The following RIT2 variants were observed in gnomAD, a reference collection of about 807,000 sequenced individuals.
RIT2 encodes the protein Ras like without CAAX 2.
RIT2 carries 24 observed loss-of-function variants against 23.7 expected under a neutral mutation model. The ratio of observed to expected loss-of-function variants is 1.01; its 90% confidence interval spans 0.73 to 1.43. The LOEUF is 1.43. Ranked by LOEUF, RIT2 falls within the 40% of genes most tolerant of loss-of-function variation. RIT2 has a pLI of 0.00. For missense variants in RIT2, 236 were observed against 266.9 expected (o/e 0.88, Z 0.81); for synonymous variants, 107 against 91.1 (o/e 1.17, Z -0.99).
intron 4 of RIT2, among the ~76,000 whole-genome samples, chr18:42,801,285 C>G (rs1289669422): frequency 6.6e-6 from 1 of 152,194 alleles, no homozygotes; most frequent in Non-Finnish European, 1.5e-5. Context: ...TATAACATGG[C>G]TGGCTGCTTG....
chr18:42,961,283 A>G (rs1415928974), intron 3 of RIT2, among the ~76,000 whole-genome samples: 5 of 152,226 alleles, frequency 3.3e-5, no homozygotes, highest in African/African-American at 1.2e-4. Context: ...AGTTTAATAA[A>G]TATCTGCTTA....
intron 4 of RIT2, among the ~76,000 whole-genome samples, chr18:42,854,048 A>G (rs992364526): frequency 6.6e-6 from 1 of 152,146 alleles, no homozygotes; most frequent in African/African-American, 2.4e-5. Context: ...TGTATCATGA[A>G]ATTAGTAATT....
intron 1 of RIT2, among the ~76,000 whole-genome samples, chr18:43,089,292 G>A (rs1002731296): frequency 9.9e-5 from 15 of 151,986 alleles, no homozygotes; most frequent in African/African-American, 1.9e-4. Context: ...CAATGAAGCC[G>A]AGAGCCAAAT....
intron 3 of RIT2, among the ~76,000 whole-genome samples, chr18:42,948,378 T>A (rs893172670): frequency 1.3e-5 from 2 of 152,058 alleles, no homozygotes; most frequent in African/African-American, 4.8e-5. Flanking sequence ...TCAGTGACAC[T>A]CTGAGTTCTG....
intron 4 of RIT2, among the ~76,000 whole-genome samples, chr18:42,848,219 T>C (rs1906959931): frequency 6.6e-6 from 1 of 152,098 alleles, no homozygotes; most frequent in African/African-American, 2.4e-5. Context: ...CTTCCCCTAA[T>C]AGGTTTGGCT....
intron 4 of RIT2, among the ~76,000 whole-genome samples, chr18:42,858,802 T>C (rs987247320): frequency 6.6e-6 from 1 of 152,234 alleles, no homozygotes; most frequent in African/African-American, 2.4e-5. Context: ...ACTGGAATCA[T>C]AATATGTGGT....
intron 1 of RIT2, among the ~76,000 whole-genome samples, chr18:43,044,271 C>G (rs1961224137): frequency 6.6e-6 from 1 of 152,156 alleles, no homozygotes; most frequent in Admixed American, 6.5e-5. Context: ...CCCGATCCCA[C>G]TTTAATGACA....
intron 4 of RIT2, among the ~76,000 whole-genome samples, chr18:42,806,283 A>G (rs1277058509): frequency 6.6e-6 from 1 of 151,804 alleles, no homozygotes; most frequent in Non-Finnish European, 1.5e-5. Flanking sequence ...AGCCTGACCA[A>G]CATGGTAAAA....
chr18:43,012,693 T>C (rs1156954492), intron 2 of RIT2, among the ~76,000 whole-genome samples: 6 of 150,660 alleles, frequency 4.0e-5, no homozygotes, highest in Non-Finnish European at 7.4e-5. Flanking sequence ...AGTTCCATAG[T>C]ATGATTATAG....
intron 4 of RIT2, among the ~76,000 whole-genome samples, chr18:42,865,305 T>G (rs1458982830): frequency 6.6e-6 from 1 of 152,198 alleles, no homozygotes; most frequent in Admixed American, 6.5e-5. Flanking sequence ...GAGGACCTGA[T>G]GTGGAGTCCC....
intron 1 of RIT2, among the ~76,000 whole-genome samples, chr18:43,105,509 G>GAAGGGAGGAAGAGAGGAAGGGAGGAAGA (rs1221620676): frequency 6.0e-5 from 9 of 150,818 alleles, no homozygotes; most frequent in East Asian, 2.0e-4. Context: ...AGGGAGGGAG[G>GAAGGGAGGAAGAGAGGAAGGGAGGAAGA]GAGGGAGGGA....
chr18:42,750,651 T>C lies in RIT2; in HGVS notation c.427-6931A>G, dbSNP rs72901469. Among the ~76,000 whole-genome samples the C allele has an allele frequency of 6.4e-3, 974 of 151,934 alleles. 10 individuals are homozygous for C. Among genetic ancestry groups the C allele is most frequent in the Non-Finnish European group, 9.9e-3 (672 of 67,770 alleles). ...AAGTGAGTTGAGTCTGGTTAGGTTA[T>C]GCTAACAAATACATTAAGAAAAACT... is the stretch of plus-strand genomic sequence containing the variant. On this transcript the variant is annotated intron_variant, in intron 4 of 4. Coordinates refer to ENST00000326695, the MANE Select transcript of RIT2 (RefSeq NM_002930.4).
At chr18:42,797,468 CAAGT>C (rs1905401906) in intron 4 of RIT2, among the ~76,000 whole-genome samples, 2 of 151,930 alleles carry the variant, frequency 1.3e-5, no homozygotes. Context: ...TCAAATTACT[CAAGT>C]AATCATATTA....
chr18:42,937,137 A>G (rs887391727), intron 3 of RIT2, among the ~76,000 whole-genome samples: 4 of 152,202 alleles, frequency 2.6e-5, no homozygotes, highest in Non-Finnish European at 2.9e-5. Flanking sequence ...TGGAAAATCA[A>G]TGCCTTTCCA....
At chr18:42,894,255 A>C (rs1446377814) in intron 4 of RIT2, among the ~76,000 whole-genome samples, 3 of 152,194 alleles carry the variant, frequency 2.0e-5, no homozygotes, top group African/African-American at 7.2e-5. Flanking sequence ...GTCCATAAAA[A>C]ATGCATTGAT....
intron 4 of RIT2, among the ~76,000 whole-genome samples, chr18:42,831,261 C>A (rs553621846): frequency 1.3e-5 from 2 of 152,230 alleles, no homozygotes; most frequent in Non-Finnish European, 2.9e-5. Flanking sequence ...TTAGGATTGT[C>A]TCAGTGTTAA....
At chr18:42,774,162 A>G (rs921721768) in intron 4 of RIT2, among the ~76,000 whole-genome samples, 3 of 152,162 alleles carry the variant, frequency 2.0e-5, no homozygotes, top group African/African-American at 7.2e-5. Flanking sequence ...ACCATTTACA[A>G]AATGTTTTTT....
chr18:42,967,783 T>C (rs1396500922), intron 3 of RIT2, among the ~76,000 whole-genome samples: 1 of 150,156 alleles, frequency 6.7e-6, no homozygotes, highest in Non-Finnish European at 1.5e-5. Context: ...TGGTGTTATT[T>C]ATTAATATTA....
Position 42,821,333 on chromosome 18 carries a change from A to C in RIT2, c.427-77613T>G, listed in dbSNP as rs574583798. On this transcript the variant is annotated intron_variant, in intron 4 of 4. Coordinates refer to ENST00000326695, the MANE Select transcript of RIT2 (RefSeq NM_002930.4). ...GAGTGATGAACAAAAATACTACCTT[A>C]AACTGTGGCATCAGGATGGTACAAG... Among the ~76,000 whole-genome samples, 6 of 152,222 alleles carry C rather than the reference A, an allele frequency of 3.9e-5. No individual in the cohort carries two copies. The South Asian group carries it at 6.2e-4, about 16-fold the overall frequency.
Sources: allele counts gnomAD v4.1 joint callset (sites outside exome capture counted in the v4.1 genomes callset), GRCh38; gene constraint gnomAD v4.1.1; transcripts MANE v1.5; gene names NCBI Gene and HGNC (gene_info 2026-07-23, HGNC 2026-07-21).